NDUFAF6: variants seen among roughly 807,000 people sequenced by gnomAD.
NDUFAF6 encodes the protein NADH dehydrogenase (ubiquinone) complex I, assembly factor 6.
NDUFAF6 carries 45 observed loss-of-function variants against 40.8 expected under a neutral mutation model. The ratio of observed to expected loss-of-function variants is 1.10; its 90% CI spans 0.87 to 1.42. NDUFAF6 has a LOEUF of 1.42. Among genes scored for constraint, NDUFAF6 ranks in the 40% most tolerant of loss-of-function variants. The pLI, the probability that NDUFAF6 is intolerant of heterozygous loss-of-function variation, is 0.00. For synonymous variants in NDUFAF6, 185 were observed against 155.9 expected (o/e 1.19, Z -1.39); for missense variants, 435 against 418.5 (o/e 1.04, Z -0.34).
chr8:95,036,644 T>C, intron 3 of NDUFAF6: 1 of 567,878 alleles, frequency 1.8e-6, no homozygotes, highest in Non-Finnish European at 2.6e-6. Context: ...TGGAGGTTTA[T>C]GTTAAGACTT....
chr8:94,897,650 G>A lies in NDUFAF6; in HGVS notation c.-936+1723G>A, dbSNP rs576154258. ...AAAAAACCCCAGAAGATGCTTGGAG[G>A]CACAGGCTTAAAAAAAAAAATTCAG... On this transcript the variant is annotated intron_variant, in intron 1 of 14. Transcript: ENST00000396113. Among the ~76,000 whole-genome samples the A allele has an allele frequency of 2.6e-3, 386 of 149,686 alleles. 1 individual carries two copies. The highest frequency in any genetic ancestry group is 3.6e-3 in the Non-Finnish European group (246 of 67,724).
chr8:95,018,189 A>C (rs1323634065), intron 2 of NDUFAF6, among the ~76,000 whole-genome samples: 1 of 138,418 alleles, frequency 7.2e-6, no homozygotes, highest in Non-Finnish European at 1.5e-5. Context: ...ACAGGTGGGC[A>C]CCACCATGCT....
upstream of NDUFAF6, among the ~76,000 whole-genome samples, chr8:95,022,013 A>G (rs1221551661): frequency 6.6e-6 from 1 of 152,220 alleles, no homozygotes; most frequent in Admixed American, 6.5e-5. Flanking sequence ...GAAGGGTTGC[A>G]TAAGTATAGA....
intron 1 of NDUFAF6, among the ~76,000 whole-genome samples, chr8:94,942,289 C>T (rs894787793): frequency 6.6e-6 from 1 of 152,026 alleles, no homozygotes; most frequent in Non-Finnish European, 1.5e-5. Flanking sequence ...ATCCGCCCAC[C>T]TCAGCCTCCC....
At chr8:94,931,098 A>G (rs556143972) in intron 1 of NDUFAF6, among the ~76,000 whole-genome samples, 1 of 152,350 alleles carries the variant, frequency 6.6e-6, no homozygotes, top group African/African-American at 2.4e-5. Flanking sequence ...GCAAATATAT[A>G]TTTTAATTCT....
intron 1 of NDUFAF6, chr8:94,930,330 A>C: frequency 8.8e-7 from 1 of 1,140,852 alleles, no homozygotes; most frequent in Non-Finnish European, 1.2e-6. Context: ...TATAAATCTG[A>C]TTTTCAAGAT....
chr8:94,952,903 G>C (rs954612530), intron 2 of NDUFAF6, among the ~76,000 whole-genome samples: 5 of 152,196 alleles, frequency 3.3e-5, no homozygotes, highest in African/African-American at 1.2e-4. Context: ...CCAGTGCTAG[G>C]GGGGAGTCCC....
At chr8:94,931,406 T>G (rs1820379501) in intron 1 of NDUFAF6, among the ~76,000 whole-genome samples, 1 of 152,168 alleles carries the variant, frequency 6.6e-6, no homozygotes, top group Non-Finnish European at 1.5e-5. Context: ...TAACACAATC[T>G]TAAAATTGGC....
chr8:94,910,913 ATGAGT>A (rs1818740240), intron 1 of NDUFAF6, among the ~76,000 whole-genome samples: 1 of 152,232 alleles, frequency 6.6e-6, no homozygotes, highest in Non-Finnish European at 1.5e-5. Context: ...TTTTTTAAAA[ATGAGT>A]TGAGATTACC....
At chr8:95,061,826 A>G (rs926033317), downstream of NDUFAF6, among the ~76,000 whole-genome samples, 1 of 152,168 alleles carries the variant, frequency 6.6e-6, no homozygotes, top group Non-Finnish European at 1.5e-5. Context: ...GTTATTAGCT[A>G]CAGGACAGTA....
At chr8:94,912,896 T>C (rs1818882620) in intron 1 of NDUFAF6, among the ~76,000 whole-genome samples, 1 of 151,900 alleles carries the variant, frequency 6.6e-6, no homozygotes. Context: ...GGAGAATCAC[T>C]TGAACCTGGG....
At chr8:94,938,184 A>G (rs2131355396) in intron 1 of NDUFAF6, among the ~76,000 whole-genome samples, 1 of 152,308 alleles carries the variant, frequency 6.6e-6, no homozygotes, top group Middle Eastern at 3.4e-3. Flanking sequence ...GCTTTTGGAA[A>G]CCAACAAGAT....
chr8:95,073,662 A>T (rs1832946825), intron 9 of NDUFAF6, among the ~76,000 whole-genome samples: 1 of 152,164 alleles, frequency 6.6e-6, no homozygotes, highest in South Asian at 2.1e-4. Flanking sequence ...TAACACTTAA[A>T]ATAAAAATGG....
At chr8:94,929,673 G>C (rs551556849) in intron 1 of NDUFAF6, 1 of 152,334 alleles carries the variant, frequency 6.6e-6, no homozygotes, top group African/African-American at 2.4e-5. Context: ...GACAGAATTG[G>C]CGGGAAGGAA....
At chr8:94,898,559 G>A (rs567177632) in intron 1 of NDUFAF6, among the ~76,000 whole-genome samples, 150 of 152,288 alleles carry the variant, frequency 9.8e-4, no homozygotes, top group Middle Eastern at 3.4e-3. Flanking sequence ...ATTTATTACT[G>A]TTGATGTTGA....
In NDUFAF6 at chr8:95,047,109, C is replaced by G; in HGVS notation, c.696C>G (p.Pro232=). The G allele has an allele frequency of 6.2e-7, 1 of 1,614,128 alleles. No homozygotes were observed. Among genetic ancestry groups the G allele is most frequent in the Non-Finnish European group, 8.5e-7 (1 of 1,180,016 alleles). ...GGAGCAGAAGAAAGGTGTTCCTTCC[C>G]ATGGATATTTGTATGCTGGTAAGGC... ...YHGSRRKVFL[P]MDICMLHGVS... is the part of the protein sequence containing the mutation. The change falls in exon 6 of 9, where the codon CCC becomes CCG. Residue 232 remains proline, a synonymous_variant. Transcript: ENST00000396124.
intron 4 of NDUFAF6, among the ~76,000 whole-genome samples, chr8:95,110,872 G>T (rs1207502420): frequency 7.9e-5 from 12 of 152,190 alleles, no homozygotes; most frequent in African/African-American, 2.9e-4. Context: ...GATTTCTGTT[G>T]CTATGGAAAA....
rs76042738 is a variant in NDUFAF6, at chr8:95,003,194, A to G, written c.-84+22221A>G. On this transcript the variant is annotated intron_variant, in intron 2 of 9. Transcript: ENST00000396111. ...CTAACTACAGGTTGCAACTGGTACC[A>G]AAGGAAGGAGGGGCCGTGGAGGAAG... Among the ~76,000 whole-genome samples the G allele has an allele frequency of 8.9e-3, 1,349 of 152,318 alleles. 46 individuals carry two copies. The highest frequency in any genetic ancestry group is 0.058 in the Admixed American group (885 of 15,296).
chr8:94,974,829 A>G (rs980305772), intron 1 of NDUFAF6: 8 of 156,880 alleles, frequency 5.1e-5, no homozygotes, highest in Non-Finnish European at 9.9e-5. Flanking sequence ...CTTTCCCCGT[A>G]TGCAGGAAGT....
Sources: allele counts gnomAD v4.1 joint callset (sites outside exome capture counted in the v4.1 genomes callset), GRCh38; gene constraint gnomAD v4.1.1; transcripts MANE v1.5; gene names NCBI Gene and HGNC (gene_info 2026-07-23, HGNC 2026-07-21).